The following SGCD variants were observed in gnomAD, a reference collection of about 807,000 sequenced individuals.
SGCD encodes the protein sarcoglycan delta.
Under a neutral mutation model 36.6 loss-of-function variants are expected in SGCD, and 18 were observed. The ratio of observed to expected loss-of-function variants is 0.49; its 90% CI spans 0.34 to 0.73. The LOEUF is 0.73. Among genes scored for constraint, SGCD ranks in the 30% least tolerant of loss-of-function variants. SGCD has a pLI of 0.01. For synonymous variants in SGCD, 133 were observed against 130.6 expected (o/e 1.02, Z -0.12); for missense variants, 387 against 346.7 (o/e 1.12, Z -0.92).
intron 3 of SGCD, among the ~76,000 whole-genome samples, chr5:156,361,694 C>A (rs1211837357): frequency 1.3e-5 from 2 of 152,288 alleles, no homozygotes; most frequent in Middle Eastern, 3.4e-3. Context: ...TGCTGAAAAT[C>A]ATCATTACTG....
chr5:156,236,542 C>T (rs914513610), intron 3 of SGCD, among the ~76,000 whole-genome samples: 6 of 151,816 alleles, frequency 4.0e-5, no homozygotes, highest in African/African-American at 7.3e-5. Context: ...CTCTGCCTCC[C>T]GGGTTCATGC....
intron 2 of SGCD, among the ~76,000 whole-genome samples, chr5:156,340,139 A>T (rs1033540832): frequency 1.3e-5 from 2 of 152,252 alleles, no homozygotes; most frequent in Non-Finnish European, 2.9e-5. Context: ...ATACAAAATA[A>T]AACACATATG....
intron 6 of SGCD, among the ~76,000 whole-genome samples, chr5:156,612,636 C>G (rs1050553570): frequency 4.6e-5 from 7 of 152,240 alleles, no homozygotes; most frequent in African/African-American, 1.7e-4. Context: ...AGCATCTCAG[C>G]TGTTCCACTG....
At chr5:156,478,319 T>C (rs1755278226) in intron 3 of SGCD, among the ~76,000 whole-genome samples, 1 of 152,212 alleles carries the variant, frequency 6.6e-6, no homozygotes, top group African/African-American at 2.4e-5. Context: ...GGGCAGTCAC[T>C]GATGGCGTTA....
intron 1 of SGCD, among the ~76,000 whole-genome samples, chr5:155,989,856 C>T (rs1026495377): frequency 6.6e-6 from 1 of 152,188 alleles, no homozygotes; most frequent in Non-Finnish European, 1.5e-5. Flanking sequence ...TAATACAGGA[C>T]TAAAATGCCC....
chr5:155,830,713 T>C, the SGCD span, among the ~76,000 whole-genome samples: 1 of 152,238 alleles, frequency 6.6e-6, no homozygotes, highest in Admixed American at 6.5e-5. Flanking sequence ...TAATAAATTG[T>C]CACTATTTGT....
intron 3 of SGCD, among the ~76,000 whole-genome samples, chr5:156,300,143 G>T (rs1767015064): frequency 6.6e-6 from 1 of 151,964 alleles, no homozygotes; most frequent in Non-Finnish European, 1.5e-5. Flanking sequence ...ATGATAAAGG[G>T]ATGTTGAATT....
intron 3 of SGCD, among the ~76,000 whole-genome samples, chr5:156,302,894 A>T (rs1242916452): frequency 6.6e-6 from 1 of 152,190 alleles, no homozygotes; most frequent in Non-Finnish European, 1.5e-5. Flanking sequence ...GGCCACCAAC[A>T]CTGGGATTGT....
chr5:156,007,156 G>T (rs1349817226), intron 1 of SGCD, among the ~76,000 whole-genome samples: 1 of 152,120 alleles, frequency 6.6e-6, no homozygotes, highest in African/African-American at 2.4e-5. Context: ...GTAAAGGGTT[G>T]ACCCCTGGCT....
chr5:156,491,498 C>A (rs1405477052), intron 3 of SGCD, among the ~76,000 whole-genome samples: 4 of 152,026 alleles, frequency 2.6e-5, no homozygotes, highest in Admixed American at 1.3e-4. Context: ...GACACATAGA[C>A]CAGTGTAGTA....
At chr5:156,584,412 C>T (rs1270179207) in intron 4 of SGCD, among the ~76,000 whole-genome samples, 1 of 152,198 alleles carries the variant, frequency 6.6e-6, no homozygotes, top group Non-Finnish European at 1.5e-5. Context: ...AGTTTGTAGA[C>T]TCCGGCAGAC....
At chr5:156,158,847 A>G (rs1162657717) in intron 3 of SGCD, among the ~76,000 whole-genome samples, 1 of 151,578 alleles carries the variant, frequency 6.6e-6, no homozygotes, top group Non-Finnish European at 1.5e-5. Context: ...GATAGAAAGG[A>G]CTAGAATTGA....
the SGCD span, among the ~76,000 whole-genome samples, chr5:155,727,893 T>C: frequency 1.3e-5 from 2 of 152,120 alleles, no homozygotes; most frequent in Non-Finnish European, 2.9e-5. Context: ...ACCCCTTTCT[T>C]CTCCCGGGAG....
chr5:156,312,789 T>C (rs1302313754), intron 3 of SGCD, among the ~76,000 whole-genome samples: 2 of 152,174 alleles, frequency 1.3e-5, no homozygotes, highest in Non-Finnish European at 2.9e-5. Flanking sequence ...TGGTTCCAGG[T>C]GAAGTGTTAG....
chr5:155,744,068 A>G, the SGCD span, among the ~76,000 whole-genome samples: 1 of 152,192 alleles, frequency 6.6e-6, no homozygotes, highest in Non-Finnish European at 1.5e-5. Flanking sequence ...CATGAAAACC[A>G]GCCAATATAA....
the SGCD span, among the ~76,000 whole-genome samples, chr5:155,743,613 C>T: frequency 3.3e-5 from 5 of 152,262 alleles, no homozygotes; most frequent in Non-Finnish European, 7.4e-5. Flanking sequence ...GACAGACTAC[C>T]TCAATGGTCC....
chr5:155,745,052 A>C, the SGCD span, among the ~76,000 whole-genome samples: 1 of 152,238 alleles, frequency 6.6e-6, no homozygotes, highest in African/African-American at 2.4e-5. Flanking sequence ...CAATGGCAGC[A>C]GTGGAGGAAA....
At chr5:155,922,828 G>C (rs114135170) in intron 1 of SGCD, among the ~76,000 whole-genome samples, 6 of 152,112 alleles carry the variant, frequency 3.9e-5, no homozygotes, top group Non-Finnish European at 7.4e-5. Flanking sequence ...GGGCATTTGA[G>C]GTTGGCTGTT....
chr5:156,550,126 G>A (rs919518400), intron 4 of SGCD, among the ~76,000 whole-genome samples: 6 of 152,162 alleles, frequency 3.9e-5, no homozygotes, highest in Non-Finnish European at 7.3e-5. Context: ...TTAAAACCAG[G>A]AAACTCTTTT....
Sources: gnomAD v4.1 joint callset for allele counts (sites outside exome capture counted in the v4.1 genomes callset) on GRCh38, gnomAD v4.1.1 for gene constraint, MANE v1.5 for transcripts, NCBI Gene and HGNC (gene_info 2026-07-23, HGNC 2026-07-21) for gene names.